Variants in TBL1XR1 observed in about 807,000 individuals in gnomAD.
TBL1XR1 encodes the protein TBL1X/Y related 1.
A neutral mutation model predicts 66.9 loss-of-function variants in TBL1XR1; 5 were observed. The observed-to-expected ratio is 0.07, with a 90% confidence interval of 0.04 to 0.16. The LOEUF (loss-of-function observed/expected upper bound fraction) is 0.16, where lower values mean the gene tolerates loss of function less well. Ranked by LOEUF, TBL1XR1 falls within the 10% of genes least tolerant of loss-of-function variation. The pLI is 1.00. For missense variants in TBL1XR1, 238 were observed against 623.2 expected (o/e 0.38, Z 6.58); for synonymous variants, 210 against 206.0 (o/e 1.02, Z -0.17).
chr3:177,064,369 T>G (rs909252359), intron 3 of TBL1XR1, among the ~76,000 whole-genome samples: 5 of 152,216 alleles, frequency 3.3e-5, no homozygotes, highest in African/African-American at 1.2e-4. Flanking sequence ...TCCTTCTGTT[T>G]TATCTATCAA....
chr3:177,104,388 T>C (rs978819980), intron 1 of TBL1XR1, among the ~76,000 whole-genome samples: 4 of 152,174 alleles, frequency 2.6e-5, no homozygotes, highest in African/African-American at 7.2e-5. Flanking sequence ...GTATGTTATC[T>C]CCAACAACAT....
At chr3:177,123,506 A>G (rs1448312430) in intron 1 of TBL1XR1, among the ~76,000 whole-genome samples, 1 of 152,114 alleles carries the variant, frequency 6.6e-6, no homozygotes, top group Non-Finnish European at 1.5e-5. Context: ...CTAAGCTCAA[A>G]AAGGTTTTCC....
chr3:177,094,431 A>G (rs1358136822), intron 2 of TBL1XR1, among the ~76,000 whole-genome samples: 1 of 152,258 alleles, frequency 6.6e-6, no homozygotes, highest in East Asian at 1.9e-4. Context: ...TTAAAGAACT[A>G]ACAGTAGAAC....
intron 3 of TBL1XR1, among the ~76,000 whole-genome samples, chr3:177,063,945 C>T (rs1305842913): frequency 6.6e-6 from 1 of 152,166 alleles, no homozygotes; most frequent in African/African-American, 2.4e-5. Flanking sequence ...AACAGGCTCT[C>T]AGACCGAAAG....
intron 14 of TBL1XR1, among the ~76,000 whole-genome samples, chr3:177,030,398 TAA>T (rs1713811563): frequency 2.0e-5 from 3 of 151,942 alleles, no homozygotes; most frequent in Admixed American, 2.0e-4. Flanking sequence ...AAAGAAGTGG[TAA>T]AAAACACTAG....
chr3:177,106,951 T>C (rs1435291718), intron 1 of TBL1XR1, among the ~76,000 whole-genome samples: 1 of 152,154 alleles, frequency 6.6e-6, no homozygotes, highest in East Asian at 1.9e-4. Flanking sequence ...AACTTTTTAA[T>C]TACAACAGAT....
At chr3:177,187,906 A>G (rs1050776063) in intron 1 of TBL1XR1, among the ~76,000 whole-genome samples, 5 of 128,404 alleles carry the variant, frequency 3.9e-5, no homozygotes, top group African/African-American at 1.5e-4. Context: ...ATTTAAAAAG[A>G]AAAAAAAAAA....
chr3:177,165,192 ATTACAG>A (rs1164341470), intron 1 of TBL1XR1, among the ~76,000 whole-genome samples: 1 of 152,222 alleles, frequency 6.6e-6, no homozygotes, highest in East Asian at 1.9e-4. Flanking sequence ...CTAATAAGCA[ATTACAG>A]TAAGCTTGCA....
At chr3:177,096,781 T>C (rs569622464) in intron 2 of TBL1XR1, among the ~76,000 whole-genome samples, 1 of 152,102 alleles carries the variant, frequency 6.6e-6, no homozygotes, top group African/African-American at 2.4e-5. Flanking sequence ...GGTTAATGAG[T>C]TGCCAGAGCA....
chr3:177,025,084 A>C lies in TBL1XR1; in HGVS notation c.*414T>G, dbSNP rs1257803006. On this transcript the variant is annotated 3_prime_UTR_variant, in exon 16 of 16. Coordinates refer to ENST00000457928, the MANE Select transcript of TBL1XR1 (RefSeq NM_024665.7). Reference sequence around the variant, plus strand: ...GTAAGTCCATTTTCTCTGTACATACAAACTGCTCACTACTGAAGGGAAAAA... The same window carrying C: ...GTAAGTCCATTTTCTCTGTACATACCAACTGCTCACTACTGAAGGGAAAAA... 5.8e-6 allele frequency: 1 copy of C among 171,748 alleles called. No homozygotes were observed. Among genetic ancestry groups the C allele is most frequent in the Non-Finnish European group, 1.2e-5 (1 of 81,064 alleles). 10.6% of individuals were successfully genotyped at this position (171,748 alleles called of 1,614,324 possible). A position where few individuals can be genotyped will look rare whatever the true frequency, so the allele number is the denominator to read the frequency against.
intron 1 of TBL1XR1, among the ~76,000 whole-genome samples, chr3:177,139,404 G>A (rs937959802): frequency 5.3e-5 from 8 of 152,040 alleles, no homozygotes; most frequent in Non-Finnish European, 2.9e-5. Flanking sequence ...GAGTGCTGGC[G>A]CGCGCCTGTA....
chr3:177,128,502 T>C (rs1245879604), intron 1 of TBL1XR1, among the ~76,000 whole-genome samples: 2 of 152,150 alleles, frequency 1.3e-5, no homozygotes, highest in Non-Finnish European at 2.9e-5. Flanking sequence ...GTCCCCCAAG[T>C]AGCTAGGACA....
intron 1 of TBL1XR1, among the ~76,000 whole-genome samples, chr3:177,174,893 T>C (rs553472804): frequency 1.3e-5 from 2 of 152,200 alleles, no homozygotes; most frequent in African/African-American, 4.8e-5. Context: ...GTCAGAAGAA[T>C]GTCCTTAGGC....
chr3:177,123,541 CTCACT>C (rs1727242038), intron 1 of TBL1XR1, among the ~76,000 whole-genome samples: 1 of 151,794 alleles, frequency 6.6e-6, no homozygotes, highest in Non-Finnish European at 1.5e-5. Flanking sequence ...TTCCAAAAAT[CTCACT>C]TCAAAGAAAA....
chr3:177,044,941 G>C (rs946503209), intron 10 of TBL1XR1: 2 of 152,080 alleles, frequency 1.3e-5, no homozygotes, highest in Non-Finnish European at 2.9e-5. Flanking sequence ...AAGCCTGAGA[G>C]AATTCTGAAA....
At chr3:177,137,697 C>G (rs1316546111) in intron 1 of TBL1XR1, among the ~76,000 whole-genome samples, 1 of 151,642 alleles carries the variant, frequency 6.6e-6, no homozygotes, top group Admixed American at 6.6e-5. Flanking sequence ...AGGCCAGGGT[C>G]CTCGGCTCAG....
At chr3:177,067,603 TA>T (rs912659032) in intron 2 of TBL1XR1, among the ~76,000 whole-genome samples, 2 of 152,136 alleles carry the variant, frequency 1.3e-5, no homozygotes, top group African/African-American at 4.8e-5. Flanking sequence ...TAAGTCATAA[TA>T]AAAAATACCA....
At chr3:177,192,329 G>A (rs1736252591) in intron 1 of TBL1XR1, among the ~76,000 whole-genome samples, 1 of 150,924 alleles carries the variant, frequency 6.6e-6, no homozygotes. Context: ...GTTGCAGTAA[G>A]AGGAGATCGC....
intron 3 of TBL1XR1, among the ~76,000 whole-genome samples, chr3:177,062,037 C>T (rs1718582135): frequency 1.3e-5 from 2 of 152,198 alleles, no homozygotes; most frequent in African/African-American, 4.8e-5. Flanking sequence ...CATTCTCAAA[C>T]TCTCTTCCAT....
Sources: allele counts gnomAD v4.1 joint callset (sites outside exome capture counted in the v4.1 genomes callset), GRCh38; gene constraint gnomAD v4.1.1; transcripts MANE v1.5; gene names NCBI Gene and HGNC (gene_info 2026-07-23, HGNC 2026-07-21).